Variants in CPA6 observed in about 807,000 individuals in gnomAD.
CPA6 encodes the protein carboxypeptidase A6.
CPA6 carries 58 observed loss-of-function variants against 63.3 expected under a neutral mutation model. That is an observed-to-expected ratio of 0.92 (90% CI 0.74 to 1.14). The LOEUF (loss-of-function observed/expected upper bound fraction) is 1.14. CPA6 is among the 50% of genes most tolerant of loss of function. The pLI is 0.00. For missense variants in CPA6, 565 were observed against 526.6 expected, an observed-to-expected ratio of 1.07 and a Z score of -0.71; for synonymous variants, 185 against 179.0, an observed-to-expected ratio of 1.03 and a Z score of -0.27.
chr8:67,579,418 C>T, intron 2 of CPA6, among the ~76,000 whole-genome samples: 1 of 151,882 alleles, frequency 6.6e-6, no homozygotes, highest in Middle Eastern at 3.4e-3. Context: ...GTCCCCACCA[C>T]AAAAAAGAAA....
chr8:67,721,867 C>CTCCG (rs1453974462), intron 1 of CPA6, among the ~76,000 whole-genome samples: 1 of 152,172 alleles, frequency 6.6e-6, no homozygotes, highest in African/African-American at 2.4e-5. Context: ...TTAAAGGTTT[C>CTCCG]TCCGTACATA....
intron 1 of CPA6, among the ~76,000 whole-genome samples, chr8:67,662,373 CT>C (rs1816128777): frequency 6.6e-6 from 1 of 151,214 alleles, no homozygotes; most frequent in Non-Finnish European, 1.5e-5. Context: ...TGATGTTATT[CT>C]AGAAAATGAG....
At chr8:67,501,886 G>T (rs1274244697) in intron 6 of CPA6, among the ~76,000 whole-genome samples, 3 of 152,098 alleles carry the variant, frequency 2.0e-5, no homozygotes, top group Admixed American at 6.5e-5. Context: ...CCTTTTTGGG[G>T]AATTTAAAAA....
At chr8:67,454,923 G>A (rs1810636574) in intron 8 of CPA6, among the ~76,000 whole-genome samples, 1 of 152,202 alleles carries the variant, frequency 6.6e-6, no homozygotes, top group African/African-American at 2.4e-5. Context: ...TAATCGTAAA[G>A]TGTGCAGTGC....
intron 1 of CPA6, among the ~76,000 whole-genome samples, chr8:67,673,079 A>C (rs540601097): frequency 6.6e-6 from 1 of 152,284 alleles, no homozygotes; most frequent in African/African-American, 2.4e-5. Context: ...AGAAATATAC[A>C]AAGATGAACT....
intron 2 of CPA6, among the ~76,000 whole-genome samples, chr8:67,563,395 T>C (rs1038029767): frequency 1.3e-5 from 2 of 152,202 alleles, no homozygotes; most frequent in African/African-American, 4.8e-5. Flanking sequence ...AGATCATATA[T>C]GTAAAGAACA....
chr8:67,518,653 C>A (rs1335462015), intron 2 of CPA6, among the ~76,000 whole-genome samples: 2 of 151,820 alleles, frequency 1.3e-5, no homozygotes, highest in Non-Finnish European at 2.9e-5. Context: ...ATTACAGGTG[C>A]ATGCCACCTG....
intron 2 of CPA6, among the ~76,000 whole-genome samples, chr8:67,623,336 T>C (rs1184510098): frequency 1.3e-5 from 2 of 152,242 alleles, no homozygotes; most frequent in Middle Eastern, 3.4e-3. Flanking sequence ...AAAAAATAGA[T>C]AAACTCTCTC....
chr8:67,598,161 A>G (rs16933423), intron 2 of CPA6, among the ~76,000 whole-genome samples: 5,123 of 152,284 alleles, frequency 0.034, 127 homozygotes, highest in African/African-American at 0.069. Context: ...TGAGGCTGAC[A>G]AAATGGCTAC....
chr8:67,472,231 C>A (rs991637264), intron 8 of CPA6, among the ~76,000 whole-genome samples: 1 of 151,970 alleles, frequency 6.6e-6, no homozygotes, highest in Non-Finnish European at 1.5e-5. Context: ...AAAATCAGTA[C>A]CAAATAAAAA....
chr8:67,492,472 A>G (rs1472332543), intron 6 of CPA6, among the ~76,000 whole-genome samples: 3 of 150,410 alleles, frequency 2.0e-5, no homozygotes, highest in Non-Finnish European at 4.4e-5. Context: ...TACCCTTTAT[A>G]AGGTTTTTTT....
intron 2 of CPA6, among the ~76,000 whole-genome samples, chr8:67,560,158 C>T (rs185039404): frequency 2.1e-4 from 14 of 67,474 alleles, no homozygotes; most frequent in African/African-American, 6.7e-4. Flanking sequence ...CTTGTATTTC[C>T]GGATATATAT....
At chr8:67,445,604 A>T (rs1400630626) in intron 8 of CPA6, among the ~76,000 whole-genome samples, 1 of 151,458 alleles carries the variant, frequency 6.6e-6, no homozygotes, top group Non-Finnish European at 1.5e-5. Context: ...GTAGAAAGGC[A>T]TTAATTCTCT....
intron 2 of CPA6, among the ~76,000 whole-genome samples, chr8:67,563,561 C>A (rs1813265517): frequency 6.6e-6 from 1 of 152,164 alleles, no homozygotes; most frequent in Admixed American, 6.6e-5. Context: ...GCTGTTGGAA[C>A]AACCCATCTG....
intron 8 of CPA6, chr8:67,452,564 A>C (rs1223283878): frequency 6.6e-6 from 1 of 152,230 alleles, no homozygotes; most frequent in Non-Finnish European, 1.5e-5. Context: ...ACACGTCTTT[A>C]CTATGCACAC....
intron 3 of CPA6, among the ~76,000 whole-genome samples, chr8:67,514,727 G>T (rs990047640): frequency 4.6e-5 from 7 of 152,122 alleles, no homozygotes; most frequent in Admixed American, 4.6e-4. Context: ...AAACTAACCG[G>T]TATATTCTTT....
Position 67,667,640 on chromosome 8 carries a change from G to C in CPA6, c.117-43389C>G, listed in dbSNP as rs912337355. On this transcript the variant is annotated intron_variant, in intron 1 of 10. Transcript: ENST00000297770. ...GTGACATCTGAGGGGGGACCTCAGA[G>C]TTAGGAGTGAAACTGAAATTCAATT... Among the ~76,000 whole-genome samples, 5 of 152,206 alleles carry C rather than the reference G, an allele frequency of 3.3e-5. No individual in the cohort carries two copies. In the South Asian group the frequency reaches 8.3e-4, roughly 25 times the overall value.
chr8:67,508,942 G>A (rs1488343868), intron 5 of CPA6, among the ~76,000 whole-genome samples: 1 of 152,152 alleles, frequency 6.6e-6, no homozygotes, highest in East Asian at 1.9e-4. Context: ...TCCGTAGGCT[G>A]TACAGGAAGC....
chr8:67,455,258 A>G (rs1810645459), intron 8 of CPA6, among the ~76,000 whole-genome samples: 4 of 152,144 alleles, frequency 2.6e-5, no homozygotes. Flanking sequence ...GCGCAGTGAC[A>G]GGCATTCCAC....
Sources: allele counts gnomAD v4.1 joint callset (sites outside exome capture counted in the v4.1 genomes callset), GRCh38; gene constraint gnomAD v4.1.1; transcripts MANE v1.5; gene names NCBI Gene and HGNC (gene_info 2026-07-23, HGNC 2026-07-21).